Variants in KAZN observed in about 807,000 individuals in gnomAD.
KAZN encodes kazrin.
Under a neutral mutation model 87.4 loss-of-function variants are expected in KAZN, and 40 were observed. That is an observed-to-expected ratio of 0.46 (90% CI 0.36 to 0.60). The LOEUF is 0.60. Among genes scored for constraint, KAZN ranks in the 20% least tolerant of loss-of-function variants. KAZN has a pLI of 0.00. For synonymous variants in KAZN, 466 were observed against 458.3 expected, an observed-to-expected ratio of 1.02 and a Z score of -0.22; for missense variants, 898 against 1,073.9, an observed-to-expected ratio of 0.84 and a Z score of 2.29.
chr1:14,137,975 TA>T (rs1645146068), intron 1 of KAZN, among the ~76,000 whole-genome samples: 1 of 152,196 alleles, frequency 6.6e-6, no homozygotes, highest in African/African-American at 2.4e-5. Context: ...AATTCTCTTT[TA>T]AAGCTTTGAT....
intron 1 of KAZN, among the ~76,000 whole-genome samples, chr1:14,163,729 G>A (rs760521798): frequency 6.6e-5 from 10 of 152,276 alleles, no homozygotes; most frequent in East Asian, 1.9e-4. Flanking sequence ...ACATTCCTGC[G>A]TGGAGGCCCT....
At chr1:14,712,577 G>T (rs531826811) in intron 1 of KAZN, among the ~76,000 whole-genome samples, 2 of 152,168 alleles carry the variant, frequency 1.3e-5, no homozygotes, top group Non-Finnish European at 2.9e-5. Context: ...AGACCCCTCC[G>T]ATCTGCCAGA....
At chr1:14,834,164 T>C (rs1214176141) in intron 1 of KAZN, among the ~76,000 whole-genome samples, 3 of 151,754 alleles carry the variant, frequency 2.0e-5, no homozygotes, top group Admixed American at 2.0e-4. Context: ...GCCTCCTGAG[T>C]AGCTAGGGTT....
chr1:13,945,523 CAA>C (rs34016071), intron 1 of KAZN, among the ~76,000 whole-genome samples: 3 of 135,138 alleles, frequency 2.2e-5, no homozygotes, highest in East Asian at 2.1e-4. Flanking sequence ...GACTCCATCT[CAA>C]AAAAAAAAAA....
chr1:14,393,919 T>TA (rs140663095), intron 2 of KAZN, among the ~76,000 whole-genome samples: 8,273 of 151,918 alleles, frequency 0.054, 373 homozygotes, highest in East Asian at 0.25. Flanking sequence ...TGTGTTTTTT[T>TA]AATGTAGTTG....
chr1:14,180,743 A>G (rs2100311319), intron 2 of KAZN, among the ~76,000 whole-genome samples: 1 of 152,276 alleles, frequency 6.6e-6, no homozygotes, highest in South Asian at 2.1e-4. Context: ...TGGATTTCTG[A>G]TTAGATCTTA....
intron 1 of KAZN, among the ~76,000 whole-genome samples, chr1:14,728,376 G>C (rs920254365): frequency 6.6e-6 from 1 of 151,788 alleles, no homozygotes; most frequent in African/African-American, 2.4e-5. Context: ...TGAGTGATGG[G>C]GAGTGGTTGC....
At chr1:14,308,196 A>G (rs574686900) in intron 2 of KAZN, among the ~76,000 whole-genome samples, 12 of 152,168 alleles carry the variant, frequency 7.9e-5, no homozygotes, top group East Asian at 1.9e-4. Context: ...GAACCAGGGG[A>G]AAAAAAATAG....
intron 1 of KAZN, among the ~76,000 whole-genome samples, chr1:14,169,108 C>T (rs1475133684): frequency 4.6e-5 from 7 of 151,994 alleles, no homozygotes; most frequent in South Asian, 4.2e-4. Context: ...AGGGTTTACT[C>T]GGTATAGGTA....
intron 1 of KAZN, among the ~76,000 whole-genome samples, chr1:13,912,976 G>C (rs1227381249): frequency 6.6e-6 from 1 of 152,176 alleles, no homozygotes; most frequent in Non-Finnish European, 1.5e-5. Context: ...CCTGGGCGGG[G>C]ACCAGGAGCT....
chr1:13,986,899 G>A (rs1639043985), intron 1 of KAZN, among the ~76,000 whole-genome samples: 1 of 152,224 alleles, frequency 6.6e-6, no homozygotes, highest in Non-Finnish European at 1.5e-5. Context: ...AGCCTTGTGA[G>A]TTCATGTCCT....
chr1:14,125,236 C>T (rs1644838896), intron 1 of KAZN, among the ~76,000 whole-genome samples: 1 of 152,154 alleles, frequency 6.6e-6, no homozygotes, highest in Non-Finnish European at 1.5e-5. Context: ...GCACCATCCT[C>T]CCCCTGCCCC....
chr1:14,628,014 C>G (rs563131831), intron 1 of KAZN, among the ~76,000 whole-genome samples: 1 of 152,286 alleles, frequency 6.6e-6, no homozygotes, highest in Non-Finnish European at 1.5e-5. Context: ...GTCTGACCTT[C>G]TCACCCTCTC....
intron 1 of KAZN, among the ~76,000 whole-genome samples, chr1:14,749,440 G>A (rs1644352563): frequency 1.3e-5 from 2 of 152,182 alleles, no homozygotes; most frequent in Admixed American, 1.3e-4. Context: ...GGAGCAAAAA[G>A]CATTCTTAAG....
intron 1 of KAZN, among the ~76,000 whole-genome samples, chr1:13,924,005 T>G (rs1352915020): frequency 1.3e-5 from 2 of 152,026 alleles, no homozygotes; most frequent in Non-Finnish European, 1.5e-5. Flanking sequence ...GCTGAGAGAA[T>G]AGAGAATGGA....
At chr1:14,452,741 C>T (rs1178699672) in intron 2 of KAZN, among the ~76,000 whole-genome samples, 1 of 152,164 alleles carries the variant, frequency 6.6e-6, no homozygotes, top group Non-Finnish European at 1.5e-5. Context: ...TTGCCCTTGA[C>T]CGCATTTTAT....
chr1:14,718,793 C>T (rs915998702), intron 1 of KAZN, among the ~76,000 whole-genome samples: 1 of 152,202 alleles, frequency 6.6e-6, no homozygotes, highest in Non-Finnish European at 1.5e-5. Flanking sequence ...TGAATCCGCA[C>T]CCTTTCCTTT....
intron 1 of KAZN, among the ~76,000 whole-genome samples, chr1:14,161,797 T>C (rs1278345380): frequency 6.6e-6 from 1 of 152,182 alleles, no homozygotes; most frequent in East Asian, 1.9e-4. Flanking sequence ...CAAAATCTCA[T>C]CCAGTTATCA....
chr1:14,405,439 T>C (rs1470150216), intron 2 of KAZN, among the ~76,000 whole-genome samples: 2 of 152,156 alleles, frequency 1.3e-5, no homozygotes, highest in East Asian at 3.9e-4. Context: ...GGCAGTCCTA[T>C]AAGAGTAGTT....
Sources: allele counts gnomAD v4.1 joint callset (sites outside exome capture counted in the v4.1 genomes callset), GRCh38; gene constraint gnomAD v4.1.1; transcripts MANE v1.5; gene names NCBI Gene and HGNC (gene_info 2026-07-23, HGNC 2026-07-21).